TECPR2: variants seen among roughly 807,000 people sequenced by gnomAD.
The protein encoded by TECPR2 is tectonin beta-propeller repeat-containing protein 2.
A neutral mutation model predicts 138.1 loss-of-function variants in TECPR2; 65 were observed. The observed-to-expected ratio is 0.47, with a 90% CI of 0.39 to 0.58. The LOEUF (loss-of-function observed/expected upper bound fraction) is 0.58. TECPR2 is among the 20% of genes least tolerant of loss of function. TECPR2 has a pLI of 0.00. For synonymous variants in TECPR2, 746 were observed against 749.8 expected, an observed-to-expected ratio of 0.99 and a Z score of 0.08; for missense variants, 1,553 against 1,824.5, an observed-to-expected ratio of 0.85 and a Z score of 2.71.
chr14:102,458,026 A>T (rs1890316199), intron 16 of TECPR2, among the ~76,000 whole-genome samples: 2 of 151,392 alleles, frequency 1.3e-5, no homozygotes, highest in African/African-American at 4.9e-5. Flanking sequence ...GGCCTGTGCC[A>T]CCCCGCCCAG....
intron 16 of TECPR2, among the ~76,000 whole-genome samples, chr14:102,454,666 T>C (rs545543820): frequency 1.7e-4 from 26 of 152,304 alleles, no homozygotes; most frequent in African/African-American, 5.5e-4. Context: ...TGAGCCATTC[T>C]CCAGCAGCTC....
intron 2 of TECPR2, among the ~76,000 whole-genome samples, chr14:102,390,803 AATAT>A (rs10570260): frequency 0.039 from 5,748 of 148,566 alleles, 118 homozygotes; most frequent in Middle Eastern, 0.098. Flanking sequence ...TCAGGGGAAG[AATAT>A]ATATATATAT....
intron 2 of TECPR2, among the ~76,000 whole-genome samples, chr14:102,387,286 G>A (rs1207842273): frequency 1.3e-5 from 2 of 152,180 alleles, no homozygotes; most frequent in East Asian, 1.9e-4. Context: ...GGAGAGGGCA[G>A]ATGGAAACAC....
intron 10 of TECPR2, among the ~76,000 whole-genome samples, chr14:102,439,750 C>G (rs905821112): frequency 3.9e-5 from 6 of 152,242 alleles, no homozygotes; most frequent in African/African-American, 1.4e-4. Flanking sequence ...CAGAGATGCT[C>G]GACAGGCCCT....
chr14:102,451,214 G>T (rs1890133399), intron 15 of TECPR2, among the ~76,000 whole-genome samples: 1 of 152,222 alleles, frequency 6.6e-6, no homozygotes, highest in South Asian at 2.1e-4. Flanking sequence ...CTGCGGCCGG[G>T]AGGGGCACTT....
At chr14:102,373,611 C>T (rs1314391825) in intron 1 of TECPR2, among the ~76,000 whole-genome samples, 1 of 152,148 alleles carries the variant, frequency 6.6e-6, no homozygotes, top group East Asian at 1.9e-4. Flanking sequence ...AGTTGAGGAG[C>T]ATCTGTAAAA....
intron 6 of TECPR2, among the ~76,000 whole-genome samples, chr14:102,427,105 G>A (rs8003198): frequency 0.32 from 48,447 of 151,872 alleles, 8,051 homozygotes; most frequent in Middle Eastern, 0.42. Context: ...GGGTGGGGGT[G>A]GAAGAAGCAT....
Position 102,438,145 on chromosome 14 carries a change from G to A in TECPR2, c.2518G>A (p.Ala840Thr), listed in dbSNP as rs906936247. ...GGLFCSALPG[A>T]GLRWQKFEDA... ...CCTGTTCTGCAGCGCGTTGCCGGGC[G>A]CCGGGCTGCGCTGGCAGAAGTTTGA... Residue 840 changes from alanine (A) to threonine (T), a missense_variant, in exon 10 of 20, where the codon GCC becomes ACC. Transcript: ENST00000359520. 10 of 1,613,474 alleles carry A rather than the reference G, an allele frequency of 6.2e-6. No individual in the cohort carries two copies. The highest frequency in any genetic ancestry group is 8.5e-6 in the Non-Finnish European group (10 of 1,179,984).
At chr14:102,444,831 G>A (rs1889926914) in intron 12 of TECPR2, among the ~76,000 whole-genome samples, 1 of 152,090 alleles carries the variant, frequency 6.6e-6, no homozygotes, top group African/African-American at 2.4e-5. Flanking sequence ...AATTAACCGG[G>A]CATCTCAGGA....
In TECPR2 at chr14:102,443,868, C is replaced by T; in HGVS notation, c.2933+41C>T. 1 of 1,479,194 alleles carries T rather than the reference C, an allele frequency of 6.8e-7. No individual in the cohort carries two copies. The highest frequency in any genetic ancestry group is 9.1e-7 in the Non-Finnish European group (1 of 1,100,244). 91.6% of individuals were successfully genotyped at this position (1,479,194 alleles called of 1,614,324 possible). On this transcript the variant is annotated intron_variant, in intron 12 of 19. Coordinates refer to ENST00000359520, the MANE Select transcript of TECPR2 (RefSeq NM_014844.5). The surrounding 1 kb of genome is among the most constrained non-coding windows in gnomAD (Gnocchi z 4.9). ...AGACTCCTTTCACATCGTGCTTGTC[C>T]TACCCTTCGTTCTTGTCCACTTGAC...
intron 17 of TECPR2, among the ~76,000 whole-genome samples, chr14:102,468,112 C>T (rs150616207): frequency 6.6e-6 from 1 of 151,814 alleles, no homozygotes; most frequent in Non-Finnish European, 1.5e-5. Flanking sequence ...TCCCAAAGTG[C>T]TTGGATTACA....
intron 1 of TECPR2, among the ~76,000 whole-genome samples, chr14:102,372,216 G>T (rs1887523624): frequency 1.3e-5 from 2 of 151,856 alleles, no homozygotes; most frequent in Admixed American, 1.3e-4. Context: ...CTCCCAAAGT[G>T]CTAGGATTAC....
Position 102,498,985 on chromosome 14 carries a change from ACACCGCACTGCACCG to A in TECPR2, c.*737_*751del. 1 of 696,764 alleles carries A rather than the reference ACACCGCACTGCACCG, an allele frequency of 1.4e-6. No individual in the cohort carries two copies. Among genetic ancestry groups the A allele is most frequent in the Non-Finnish European group, 2.6e-6 (1 of 382,616 alleles). 43.2% of individuals were successfully genotyped at this position (696,764 alleles called of 1,614,324 possible). A position where few individuals can be genotyped will look rare whatever the true frequency, so the allele number is the denominator to read the frequency against. ...CTCACCACACAACACACCACACCCCACACCGCACTGCACCGCACCGCACCGCACCGTACCTCGCCA... is the reference window on the plus strand; with the variant it reads ...CTCACCACACAACACACCACACCCCACACCGCACCGCACCGTACCTCGCCA... On this transcript the variant is annotated 3_prime_UTR_variant, in exon 20 of 20. Transcript: ENST00000359520.
chr14:102,443,475 G>T lies in TECPR2; in HGVS notation c.2753-172G>T, dbSNP rs1455179937. Reference sequence around the variant, plus strand: ...AGATCAGCCTGGGCAACGTAGAAAGGCCCCGTCTATATTTTTAATTAATTA... The same window carrying T: ...AGATCAGCCTGGGCAACGTAGAAAGTCCCCGTCTATATTTTTAATTAATTA... On this transcript the variant is annotated intron_variant, in intron 11 of 19. Transcript: ENST00000359520. This position sits in a 1 kb window ranked among gnomAD's most constrained non-coding sequence, Gnocchi z 4.9. Among the ~76,000 whole-genome samples the T allele has an allele frequency of 6.6e-6, 1 of 151,936 alleles. No individual in the cohort carries two copies. Among genetic ancestry groups the T allele is most frequent in the East Asian group, 1.9e-4 (1 of 5,184 alleles).
At position 102,440,522 on chromosome 14, in the gene TECPR2, G is replaced by T; in HGVS notation, c.2665G>T (p.Glu889Ter). The change falls in exon 11 of 20, where the codon GAA (glutamate) becomes TAA (stop). Residue 889 changes from glutamate (E) to a stop codon, truncating the protein, a stop_gained. Transcript: ENST00000359520. LOFTEE classifies it high-confidence loss of function. ...CATCAAGGGGAAGCGGCACTGGTAC[G>T]AAGCCCTGCCCCAGGCAGTGTTTGT... ...VTIKGKRHWYEALPQAVFVAL... is the reference protein window; with the variant it reads ...VTIKGKRHWY The T allele has an allele frequency of 6.2e-7, 1 of 1,614,202 alleles. No individual in the cohort carries two copies. Among genetic ancestry groups the T allele is most frequent in the Non-Finnish European group, 8.5e-7 (1 of 1,180,040 alleles).
intron 2 of TECPR2, among the ~76,000 whole-genome samples, chr14:102,397,225 A>G (rs1002546685): frequency 2.0e-5 from 3 of 152,176 alleles, no homozygotes; most frequent in African/African-American, 7.2e-5. Flanking sequence ...CCACACACAG[A>G]ATAACAAAAC....
chr14:102,449,494 C>T (rs1890079854), intron 13 of TECPR2, 135 bp from the exon 14 acceptor site: 1 of 1,404,044 alleles, frequency 7.1e-7, no homozygotes, highest in Non-Finnish European at 9.7e-7. Flanking sequence ...CACACGTGCA[C>T]ATTTGTGTTT....
intron 16 of TECPR2, among the ~76,000 whole-genome samples, chr14:102,461,851 G>T (rs1157873102): frequency 2.6e-5 from 4 of 152,190 alleles, no homozygotes; most frequent in African/African-American, 9.7e-5. Context: ...GGGGAGGGCT[G>T]TGGTCTCTGC....
In TECPR2 at chr14:102,408,575, G is replaced by A; in HGVS notation, c.436G>A (p.Asp146Asn). The part of the protein sequence containing the change: ...SPNGMKLFSG[D>N]DKGKIVYSSL... ...CAATGGAATGAAATTGTTCTCTGGA[G>A]ATGACAAAGGCAAAATTGTTTATTC... Residue 146 changes from aspartate (D) to asparagine (N), a missense_variant, in exon 4 of 20, where the codon GAT (aspartate) becomes AAT (asparagine). By Grantham distance (23) the Asp-to-Asn change is conservative. Coordinates refer to ENST00000359520, the MANE Select transcript of TECPR2 (RefSeq NM_014844.5). 4 of 1,613,442 alleles carry A rather than the reference G, an allele frequency of 2.5e-6. No homozygotes were observed. The highest frequency in any genetic ancestry group is 3.4e-6 in the Non-Finnish European group (4 of 1,179,828).
Sources: gnomAD v4.1 joint callset for allele counts (sites outside exome capture counted in the v4.1 genomes callset) on GRCh38, gnomAD v4.1.1 for gene constraint, Gnocchi (gnomAD v3.1) non-coding constraint, MANE v1.5 for transcripts, NCBI Gene and HGNC (gene_info 2026-07-23, HGNC 2026-07-21) for gene names.